Variants in INPP4B observed in about 807,000 individuals in gnomAD.
The protein encoded by INPP4B is inositol polyphosphate-4-phosphatase type II B.
A neutral mutation model predicts 122.5 loss-of-function variants in INPP4B; 55 were observed. The observed-to-expected ratio is 0.45, with a 90% CI of 0.36 to 0.56. The LOEUF (loss-of-function observed/expected upper bound fraction) is 0.56, where lower values mean the gene tolerates loss of function less well. Among genes scored for constraint, INPP4B ranks in the 20% least tolerant of loss-of-function variants. The pLI, the probability that INPP4B is intolerant of heterozygous loss-of-function variation, is 0.00. For missense variants in INPP4B, 1,000 were observed against 1,097.7 expected, an observed-to-expected ratio of 0.91 and a Z score of 1.26; for synonymous variants, 403 against 388.7, an observed-to-expected ratio of 1.04 and a Z score of -0.43.
intron 5 of INPP4B, among the ~76,000 whole-genome samples, chr4:142,418,756 C>A (rs1010456490): frequency 2.0e-5 from 3 of 152,030 alleles, no homozygotes; most frequent in Non-Finnish European, 4.4e-5. Context: ...TCCTTAAGAC[C>A]CATTTTGATT....
At chr4:142,752,350 C>T (rs532519309) in intron 1 of INPP4B, among the ~76,000 whole-genome samples, 3 of 152,036 alleles carry the variant, frequency 2.0e-5, no homozygotes, top group Admixed American at 6.6e-5. Flanking sequence ...TCCTAAAGAT[C>T]GGTTTGAATT....
chr4:142,377,891 T>C (rs1469277350), intron 7 of INPP4B, among the ~76,000 whole-genome samples: 1 of 152,094 alleles, frequency 6.6e-6, no homozygotes, highest in Non-Finnish European at 1.5e-5. Flanking sequence ...GACAAAAACA[T>C]ATGTAACATA....
chr4:142,500,978 A>C (rs1823299641), intron 2 of INPP4B, among the ~76,000 whole-genome samples: 1 of 152,222 alleles, frequency 6.6e-6, no homozygotes, highest in Non-Finnish European at 1.5e-5. Context: ...ATGGTTAACA[A>C]TACTATATTG....
intron 22 of INPP4B, 91 bp downstream of exon 22, chr4:142,112,451 T>C (rs1790681992): frequency 1.6e-5 from 20 of 1,218,908 alleles, no homozygotes; most frequent in Middle Eastern, 5.0e-4. Flanking sequence ...AAATTGATGT[T>C]AGTTCTACAT....
At chr4:142,577,244 T>A (rs1436948496) in intron 2 of INPP4B, among the ~76,000 whole-genome samples, 1 of 152,004 alleles carries the variant, frequency 6.6e-6, no homozygotes, top group East Asian at 1.9e-4. Flanking sequence ...AAACAGTAAG[T>A]CAAGCCTTGA....
chr4:142,585,268 G>GT (rs1327779651), intron 2 of INPP4B, among the ~76,000 whole-genome samples: 3 of 152,120 alleles, frequency 2.0e-5, no homozygotes, highest in African/African-American at 7.2e-5. Context: ...TCTTTGTTTT[G>GT]TTTTTTAGTT....
rs1785637688 is a variant in INPP4B at position 142,362,135 on chromosome 4, C to T, written c.372+40803G>A. Among the ~76,000 whole-genome samples, 7 of 152,072 alleles carry T rather than the reference C, an allele frequency of 4.6e-5. No individual in the cohort carries two copies. In the South Asian group the frequency reaches 1.4e-3, roughly 31 times the overall value. ...GAAGAGATTATGGGAGAATTAATGT[C>T]TAAGTTGACAATAAAACTCTCATGA... On this transcript the variant is annotated intron_variant, in intron 7 of 25. Transcript: ENST00000262992.
intron 15 of INPP4B, among the ~76,000 whole-genome samples, chr4:142,176,384 T>C (rs1263745564): frequency 6.6e-6 from 1 of 152,008 alleles, no homozygotes; most frequent in Non-Finnish European, 1.5e-5. Flanking sequence ...GCTTTCTGAA[T>C]GTGTCTTCTC....
chr4:142,277,252 AC>A (rs1185138103), intron 9 of INPP4B, among the ~76,000 whole-genome samples: 2 of 151,088 alleles, frequency 1.3e-5, no homozygotes, highest in Non-Finnish European at 3.0e-5. Context: ...TCGGACATAT[AC>A]ATTACAAAGA....
At chr4:142,829,912 C>T (rs921917925) in intron 1 of INPP4B, among the ~76,000 whole-genome samples, 4 of 152,022 alleles carry the variant, frequency 2.6e-5, no homozygotes, top group Non-Finnish European at 5.9e-5. Flanking sequence ...TTTCTATATG[C>T]CATTAACAGA....
intron 9 of INPP4B, among the ~76,000 whole-genome samples, chr4:142,291,145 C>T (rs112427793): frequency 6.6e-5 from 10 of 152,024 alleles, no homozygotes; most frequent in African/African-American, 1.4e-4. Flanking sequence ...AGGAATTACC[C>T]GATAAAGACC....
Position 142,138,189 on chromosome 4 carries a change from T to A in INPP4B, c.1720+7651A>T, listed in dbSNP as rs879369158. On this transcript the variant is annotated intron_variant, in intron 18 of 25. Transcript: ENST00000262992. Reference sequence around the variant, plus strand: ...AAGAAAATGTGGCACATATACACCATGGGATACTATGCAGCCATAAAAAAT... The same window carrying A: ...AAGAAAATGTGGCACATATACACCAAGGGATACTATGCAGCCATAAAAAAT... 3.2e-3 allele frequency among the ~76,000 whole-genome samples: 484 copies of A among 151,840 alleles called. 3 individuals carry two copies. Among genetic ancestry groups the A allele is most frequent in the African/African-American group, 0.011 (438 of 41,358 alleles).
chr4:142,434,919 T>C (rs1247530943), intron 3 of INPP4B, among the ~76,000 whole-genome samples: 1 of 151,946 alleles, frequency 6.6e-6, no homozygotes, highest in African/African-American at 2.4e-5. Context: ...AAAAAAGGCA[T>C]AATGTTTTAA....
chr4:142,522,534 T>C lies in INPP4B; in HGVS notation c.-190-59808A>G, dbSNP rs563987825. Among the ~76,000 whole-genome samples the C allele has an allele frequency of 4.6e-5, 7 of 152,054 alleles. No homozygotes were observed. The South Asian group carries it at 1.2e-3, about 27-fold the overall frequency. The stretch of plus-strand genomic sequence containing the variant: ...CTTTCCAGTGATATTTCTTGGTTAA[T>C]CTATCCCTTTGGTACTGAGTTCCAA... On this transcript the variant is annotated intron_variant, in intron 2 of 25. Coordinates refer to ENST00000262992, the MANE Select transcript of INPP4B (RefSeq NM_001101669.3).
At chr4:142,187,944 G>A (rs34648309) in intron 15 of INPP4B, among the ~76,000 whole-genome samples, 28,822 of 151,716 alleles carry the variant, frequency 0.19, 3,047 homozygotes, top group Middle Eastern at 0.31. Context: ...CAGTTTTGCC[G>A]TTTCAAATTT....
At chr4:142,668,181 C>G (rs535217694) in intron 2 of INPP4B, among the ~76,000 whole-genome samples, 28 of 152,132 alleles carry the variant, frequency 1.8e-4, no homozygotes, top group Non-Finnish European at 3.8e-4. Context: ...TGGAATTCAC[C>G]CCAGGGATGC....
chr4:142,622,467 G>A (rs1332683765), intron 2 of INPP4B, among the ~76,000 whole-genome samples: 1 of 151,890 alleles, frequency 6.6e-6, no homozygotes, highest in Non-Finnish European at 1.5e-5. Context: ...TAAAAGAGTT[G>A]GGGTATACAA....
chr4:142,195,329 T>C (rs3104278), intron 14 of INPP4B, among the ~76,000 whole-genome samples: 133,305 of 152,198 alleles, frequency 0.88, 59,184 homozygotes, highest in East Asian at 0.96. Context: ...GTTTTAGTTA[T>C]GCAAAATAAG....
intron 3 of INPP4B, among the ~76,000 whole-genome samples, chr4:142,447,435 A>G (rs1485628100): frequency 1.3e-5 from 2 of 152,220 alleles, no homozygotes; most frequent in Non-Finnish European, 2.9e-5. Context: ...AATATATTTA[A>G]TCTATTGGGA....
Sources: allele counts gnomAD v4.1 joint callset (sites outside exome capture counted in the v4.1 genomes callset), GRCh38; gene constraint gnomAD v4.1.1; transcripts MANE v1.5; gene names NCBI Gene and HGNC (gene_info 2026-07-23, HGNC 2026-07-21).